The following GADL1 variants were observed in gnomAD, a reference collection of about 807,000 sequenced individuals.
GADL1 encodes the protein acidic amino acid decarboxylase GADL1.
GADL1 carries 71 observed loss-of-function variants against 69.5 expected under a neutral mutation model. The ratio of observed to expected loss-of-function variants is 1.02; its 90% CI spans 0.84 to 1.25. The LOEUF is 1.25. Among genes scored for constraint, GADL1 ranks in the 50% most tolerant of loss-of-function variants. The pLI is 0.00. For synonymous variants in GADL1, 254 were observed against 214.4 expected (o/e 1.18, Z -1.62); for missense variants, 737 against 631.8 (o/e 1.17, Z -1.79).
chr3:30,842,989 C>A (rs1697993330), intron 8 of GADL1, among the ~76,000 whole-genome samples: 1 of 151,314 alleles, frequency 6.6e-6, no homozygotes, highest in Non-Finnish European at 1.5e-5. Context: ...AACAACAGAA[C>A]TATAATATTC....
At chr3:30,811,844 G>A (rs1165270966) in intron 11 of GADL1, among the ~76,000 whole-genome samples, 1 of 152,152 alleles carries the variant, frequency 6.6e-6, no homozygotes, top group East Asian at 1.9e-4. Flanking sequence ...CCTACTCAAG[G>A]CCAAAAAACC....
intron 14 of GADL1, among the ~76,000 whole-genome samples, chr3:30,748,044 C>A (rs938747200): frequency 6.6e-6 from 1 of 152,168 alleles, no homozygotes; most frequent in Non-Finnish European, 1.5e-5. Context: ...AGCATGCAAA[C>A]TTAATTACTC....
intron 1 of GADL1, among the ~76,000 whole-genome samples, chr3:30,875,694 G>A (rs140301124): frequency 1.3e-5 from 2 of 151,930 alleles, no homozygotes; most frequent in African/African-American, 4.8e-5. Flanking sequence ...GCCCTCTCGG[G>A]TGGTTTCCTA....
At position 30,870,905 on chromosome 3, in the gene GADL1, G is replaced by A. The variant is rs6775368; in HGVS notation, c.38-9140C>T. On this transcript the variant is annotated intron_variant, in intron 1 of 14. Coordinates refer to ENST00000282538, the MANE Select transcript of GADL1 (RefSeq NM_207359.3). ...TCTGGGGAATGCTGGGGAAAAGCAAGTTAGACAAATGTGTGGCTGGGACAT... is the reference window on the plus strand; with the variant it reads ...TCTGGGGAATGCTGGGGAAAAGCAAATTAGACAAATGTGTGGCTGGGACAT... Among the ~76,000 whole-genome samples the A allele has an allele frequency of 1.0e-3, 156 of 151,846 alleles. 3 individuals carry two copies. The highest frequency in any genetic ancestry group is 3.3e-3 in the African/African-American group (138 of 41,334).
At chr3:30,865,275 A>C (rs1204620306) in intron 1 of GADL1, among the ~76,000 whole-genome samples, 1 of 136,238 alleles carries the variant, frequency 7.3e-6, no homozygotes, top group African/African-American at 3.1e-5. Context: ...TATAATACCC[A>C]CGTAAATTAA....
chr3:30,751,031 G>A (rs901884979), intron 14 of GADL1, among the ~76,000 whole-genome samples: 20 of 149,884 alleles, frequency 1.3e-4, no homozygotes, highest in African/African-American at 4.6e-4. Flanking sequence ...GGGTAACCGG[G>A]GTTAAGGCAT....
At chr3:30,790,776 CTG>C (rs1696896604) in intron 12 of GADL1, among the ~76,000 whole-genome samples, 1 of 152,156 alleles carries the variant, frequency 6.6e-6, no homozygotes, top group Non-Finnish European at 1.5e-5. Flanking sequence ...ATCTAAATGT[CTG>C]TACTGTGGGT....
At chr3:30,766,945 G>A (rs188206489) in intron 14 of GADL1, among the ~76,000 whole-genome samples, 9 of 152,312 alleles carry the variant, frequency 5.9e-5, no homozygotes, top group Admixed American at 5.2e-4. Context: ...AAGGCATGGA[G>A]AAGATATCTG....
intron 12 of GADL1, among the ~76,000 whole-genome samples, chr3:30,795,576 A>T (rs540868698): frequency 6.6e-6 from 1 of 152,304 alleles, no homozygotes; most frequent in East Asian, 1.9e-4. Flanking sequence ...TTAAGCAAAC[A>T]GAATAGACCC....
chr3:30,806,067 T>TG (rs1173334243), intron 11 of GADL1, among the ~76,000 whole-genome samples: 1 of 151,906 alleles, frequency 6.6e-6, no homozygotes, highest in African/African-American at 2.4e-5. Context: ...GTGGCCTGGG[T>TG]GGGAGGATCC....
At chr3:30,821,420 C>T (rs1697578068) in intron 11 of GADL1, among the ~76,000 whole-genome samples, 1 of 151,796 alleles carries the variant, frequency 6.6e-6, no homozygotes, top group Admixed American at 6.6e-5. Flanking sequence ...TTTTTTTATA[C>T]ACACGGCAGA....
intron 14 of GADL1, among the ~76,000 whole-genome samples, chr3:30,767,854 G>A (rs1367116761): frequency 2.1e-4 from 32 of 151,938 alleles, no homozygotes; most frequent in Admixed American, 2.1e-3. Context: ...CCCAAACCAT[G>A]TTACCCTTAT....
intron 1 of GADL1, among the ~76,000 whole-genome samples, chr3:30,888,906 A>G (rs1234152827): frequency 6.6e-6 from 1 of 151,968 alleles, no homozygotes; most frequent in Non-Finnish European, 1.5e-5. Context: ...ACAATGTCAT[A>G]TGTTCCCAGA....
At chr3:30,782,306 CAGACAGTACCT>C (rs2125497861) in intron 13 of GADL1, among the ~76,000 whole-genome samples, 1 of 152,198 alleles carries the variant, frequency 6.6e-6, no homozygotes, top group South Asian at 2.1e-4. Context: ...CACAAGTTAG[CAGACAGTACCT>C]AGATAGTACC....
chr3:30,805,395 T>C (rs1697231909), intron 11 of GADL1, among the ~76,000 whole-genome samples: 1 of 152,128 alleles, frequency 6.6e-6, no homozygotes, highest in African/African-American at 2.4e-5. Context: ...AAAAGGAAAA[T>C]GGCAGAAGAG....
At chr3:30,834,336 C>A in intron 9 of GADL1, 55 bp from the exon 10 acceptor site, 6 of 1,465,218 alleles carry the variant, frequency 4.1e-6, no homozygotes, top group Non-Finnish European at 5.7e-6. Flanking sequence ...ATTTGTTTAC[C>A]AGTGGGTTGT....
chr3:30,864,293 TTA>T (rs1698363915), intron 1 of GADL1, among the ~76,000 whole-genome samples: 1 of 151,962 alleles, frequency 6.6e-6, no homozygotes, highest in East Asian at 1.9e-4. Context: ...CAAGCTTTTA[TTA>T]CCCAGGGAAT....
chr3:30,842,797 A>AC (rs1697989187), intron 8 of GADL1, among the ~76,000 whole-genome samples: 2 of 144,438 alleles, frequency 1.4e-5, no homozygotes, highest in African/African-American at 5.1e-5. Flanking sequence ...AGATAACAAT[A>AC]AAGTTCACTT....
chr3:30,745,416 G>A (rs1430024080), intron 14 of GADL1, among the ~76,000 whole-genome samples: 1 of 152,102 alleles, frequency 6.6e-6, no homozygotes, highest in African/African-American at 2.4e-5. Context: ...TTTTATTGCG[G>A]GGGTACATTT....
Sources: allele counts gnomAD v4.1 joint callset (sites outside exome capture counted in the v4.1 genomes callset), GRCh38; gene constraint gnomAD v4.1.1; transcripts MANE v1.5; gene names NCBI Gene and HGNC (gene_info 2026-07-23, HGNC 2026-07-21).